Variants in ATP2C2 observed in about 807,000 individuals in gnomAD.
ATP2C2 encodes the protein ATPase secretory pathway Ca2+ transporting 2, also known as calcium-transporting ATPase type 2C member 2.
ATP2C2 carries 171 observed loss-of-function variants against 110.8 expected under a neutral mutation model. That is an observed-to-expected ratio of 1.54 (90% CI 1.36 to 1.75). The LOEUF (loss-of-function observed/expected upper bound fraction) is 1.75. Ranked by LOEUF, ATP2C2 falls within the 40% of genes most tolerant of loss-of-function variation. The pLI, the probability that ATP2C2 is intolerant of heterozygous loss-of-function variation, is 0.00. For synonymous variants in ATP2C2, 804 were observed against 508.4 expected (o/e 1.58, Z -7.82); for missense variants, 1,963 against 1,235.0 (o/e 1.59, Z -8.84).
At chr16:84,424,605 T>G (rs939112825) in intron 10 of ATP2C2, among the ~76,000 whole-genome samples, 3 of 139,240 alleles carry the variant, frequency 2.2e-5, no homozygotes, top group African/African-American at 5.6e-5. Context: ...TTTTTAACAT[T>G]TTGGGAACTG....
chr16:84,373,023 G>C (rs1447941111), intron 1 of ATP2C2, among the ~76,000 whole-genome samples: 1 of 151,564 alleles, frequency 6.6e-6, no homozygotes, highest in African/African-American at 2.4e-5. Flanking sequence ...CGGAGGCTGA[G>C]GCAGGAAAAT....
In ATP2C2 at chr16:84,415,380, A is replaced by G. The variant is rs1009927268; in HGVS notation, c.516-103A>G. Reference sequence around the variant, plus strand: ...CAAAGGCACAGGGTTGGTGTATATTAAAAGAGAAAAGTGTGTTTCTATTCT... The same window carrying G: ...CAAAGGCACAGGGTTGGTGTATATTGAAAGAGAAAAGTGTGTTTCTATTCT... On this transcript the variant is annotated intron_variant, in intron 6 of 26. Coordinates refer to ENST00000262429, the MANE Select transcript of ATP2C2 (RefSeq NM_014861.4). The G allele has an allele frequency of 2.8e-5, 27 of 970,464 alleles. No individual in the cohort carries two copies. The African/African-American group carries it at 3.7e-4, about 13-fold the overall frequency. The allele number at this position is 970,464 out of a possible 1,614,324, so 60.1% of individuals were successfully genotyped here.
Position 84,398,509 on chromosome 16 carries a change from A to C in ATP2C2, c.110A>C (p.Gln37Pro). 6.2e-7 allele frequency: 1 copy of C among 1,609,966 alleles called. No homozygotes were observed. The highest frequency in any genetic ancestry group is 8.5e-7 in the Non-Finnish European group (1 of 1,178,688). Reference sequence around the variant, plus strand: ...CTGCTCTTTTCACAGATTGATGAACAGAGTGAGCTGAAAGCCATCGAGAAA... The same window carrying C: ...CTGCTCTTTTCACAGATTGATGAACCGAGTGAGCTGAAAGCCATCGAGAAA... ...KDEEEALIDE[Q>P]SELKAIEKEK... Residue 37 changes from glutamine to proline, a missense_variant, in exon 2 of 27, where the codon CAG becomes CCG. Coordinates refer to ENST00000262429, the MANE Select transcript of ATP2C2 (RefSeq NM_014861.4).
At chr16:84,452,996 G>A (rs904441880) in intron 18 of ATP2C2, 142 bp from the exon 19 acceptor site, 3 of 775,934 alleles carry the variant, frequency 3.9e-6, no homozygotes, top group Non-Finnish European at 4.1e-6. Context: ...ATAGAACCGA[G>A]GCCGTGCAGC....
intron 1 of ATP2C2, among the ~76,000 whole-genome samples, chr16:84,394,781 T>G (rs1247891948): frequency 6.6e-6 from 1 of 152,170 alleles, no homozygotes; most frequent in Non-Finnish European, 1.5e-5. Flanking sequence ...TGTCTCCACA[T>G]GGACTTCCCT....
chr16:84,391,612 A>G (rs143147973), intron 1 of ATP2C2, among the ~76,000 whole-genome samples: 2 of 152,328 alleles, frequency 1.3e-5, no homozygotes, highest in East Asian at 1.9e-4. Context: ...ATACGTACAC[A>G]TGCCAAGAAC....
At position 84,452,081 on chromosome 16, in the gene ATP2C2, C is replaced by T; in HGVS notation, c.1821C>T (p.Ala607=). The change falls in exon 18 of 27, where the codon GCC becomes GCT. Residue 607 remains alanine (A), a synonymous_variant. Coordinates refer to ENST00000262429, the MANE Select transcript of ATP2C2 (RefSeq NM_014861.4). ...TAACGGGGGATGCCCTGGAGACGGC[C>T]TTGGCCATAGGTAACTGGGACAGGG... ...KMITGDALET[A]LAIGRNIGLC... is the part of the protein sequence containing the mutation. 1 of 1,613,954 alleles carries T rather than the reference C, an allele frequency of 6.2e-7. No individual in the cohort carries two copies. The highest frequency in any genetic ancestry group is 8.5e-7 in the Non-Finnish European group (1 of 1,179,984).
rs773656054 is a variant in ATP2C2 at position 84,439,396 on chromosome 16, C to CTG, written c.1112-30_1112-29insGT. The CTG allele has an allele frequency of 5.7e-6, 9 of 1,576,896 alleles. No individual in the cohort carries two copies. The East Asian group carries it at 1.4e-4, about 25-fold the overall frequency. On this transcript the variant is annotated intron_variant, in intron 12 of 26. Coordinates refer to ENST00000262429, the MANE Select transcript of ATP2C2 (RefSeq NM_014861.4). ...TTCACAAGCCTGAGGATGGCAACTTCTCTTCTATAAACTGGTGTTTGTTGT... is the reference window on the plus strand; with the variant it reads ...TTCACAAGCCTGAGGATGGCAACTTCTGTCTTCTATAAACTGGTGTTTGTTGT...
intron 18 of ATP2C2, among the ~76,000 whole-genome samples, chr16:84,452,468 G>C (rs930625726): frequency 4.0e-5 from 6 of 150,828 alleles, no homozygotes; most frequent in Admixed American, 4.0e-4. Context: ...TTCATCAATA[G>C]AGGGCTAGCA....
At chr16:84,383,745 G>T (rs1212665161) in intron 1 of ATP2C2, among the ~76,000 whole-genome samples, 1 of 146,760 alleles carries the variant, frequency 6.8e-6, no homozygotes, top group Non-Finnish European at 1.5e-5. Flanking sequence ...CTGTGTGTGT[G>T]TGTGTATGTG....
chr16:84,409,689 G>C (rs1384551682), intron 4 of ATP2C2, among the ~76,000 whole-genome samples: 1 of 152,054 alleles, frequency 6.6e-6, no homozygotes, highest in Non-Finnish European at 1.5e-5. Flanking sequence ...TTTTAGTAGA[G>C]ATGAGGTTTC....
intron 6 of ATP2C2, among the ~76,000 whole-genome samples, chr16:84,414,094 C>G (rs247810): frequency 0.18 from 27,384 of 152,076 alleles, 2,987 homozygotes; most frequent in East Asian, 0.49. Context: ...AAATAGCTGT[C>G]GATCAGGCTG....
At position 84,425,652 on chromosome 16, in the gene ATP2C2, T is replaced by C. The variant is rs188960675; in HGVS notation, c.920-83T>C. On this transcript the variant is annotated intron_variant, in intron 10 of 26. Coordinates refer to ENST00000262429, the MANE Select transcript of ATP2C2 (RefSeq NM_014861.4). ...TCTGTGCATGCATTCCTGTAAACTCTTTAAGGAAGTGAGTTTGAATCCCTC... is the reference window on the plus strand; with the variant it reads ...TCTGTGCATGCATTCCTGTAAACTCCTTAAGGAAGTGAGTTTGAATCCCTC... 89 of 1,478,252 alleles carry C rather than the reference T, an allele frequency of 6.0e-5. No homozygotes were observed. The African/African-American group carries it at 1.2e-3, about 20-fold the overall frequency. The allele number at this position is 1,478,252 out of a possible 1,614,324, so 91.6% of individuals were successfully genotyped here. A position where few individuals can be genotyped will look rare whatever the true frequency, so the allele number is the denominator to read the frequency against.
chr16:84,463,669 C>CAA lies in ATP2C2; in HGVS notation c.2780_2781dup (p.Leu928AsnfsTer37). ...CCGTCTTCATTTTGTCAGAGCTCCT[C>CAA]AAACTATGTGAAAAATACTGTTGCA... On this transcript the variant is annotated frameshift_variant, in exon 27 of 27. Coordinates refer to ENST00000262429, the MANE Select transcript of ATP2C2 (RefSeq NM_014861.4). LOFTEE classifies it low-confidence loss of function (END_TRUNC). The CAA allele has an allele frequency of 6.2e-7, 1 of 1,614,208 alleles. No homozygotes were observed. The highest frequency in any genetic ancestry group is 1.1e-5 in the South Asian group (1 of 91,084).
At chr16:84,420,955 G>A (rs1907276971) in intron 7 of ATP2C2, among the ~76,000 whole-genome samples, 1 of 152,072 alleles carries the variant, frequency 6.6e-6, no homozygotes, top group South Asian at 2.1e-4. Context: ...ACAGGCGCCT[G>A]CCCCCATACC....
At chr16:84,449,233 C>G (rs1910034253) in intron 17 of ATP2C2, among the ~76,000 whole-genome samples, 1 of 152,314 alleles carries the variant, frequency 6.6e-6, no homozygotes, top group South Asian at 2.1e-4. Flanking sequence ...TTTGGGTTGG[C>G]CTTACTGGCT....
At chr16:84,448,280 C>A (rs979781671) in intron 16 of ATP2C2, among the ~76,000 whole-genome samples, 4 of 152,080 alleles carry the variant, frequency 2.6e-5, no homozygotes, top group Admixed American at 2.6e-4. Context: ...AACAAGGGAA[C>A]TGAAAAAAGA....
chr16:84,380,356 T>C (rs1162997996), intron 1 of ATP2C2, among the ~76,000 whole-genome samples: 1 of 152,250 alleles, frequency 6.6e-6, no homozygotes, highest in African/African-American at 2.4e-5. Context: ...ATGTTTTTTT[T>C]CTTCTTTCCC....
At chr16:84,381,998 T>C (rs1252064389) in intron 1 of ATP2C2, among the ~76,000 whole-genome samples, 1 of 152,128 alleles carries the variant, frequency 6.6e-6, no homozygotes, top group Non-Finnish European at 1.5e-5. Context: ...AAATGCTTTC[T>C]TTTTTTCTTA....
Sources: gnomAD v4.1 joint callset for allele counts (sites outside exome capture counted in the v4.1 genomes callset) on GRCh38, gnomAD v4.1.1 for gene constraint, MANE v1.5 for transcripts, NCBI Gene and HGNC (gene_info 2026-07-23, HGNC 2026-07-21) for gene names.